Variants in TG observed in about 807,000 individuals in gnomAD.
The protein encoded by TG is thyroid hormones.
A neutral mutation model predicts 324.7 loss-of-function variants in TG; 270 were observed. The observed-to-expected ratio is 0.83, with a 90% CI of 0.75 to 0.92. The LOEUF is 0.92. Ranked by LOEUF, TG falls within the 40% of genes least tolerant of loss-of-function variation. The pLI is 0.00. For synonymous variants in TG, 1,401 were observed against 1,327.0 expected (o/e 1.06, Z -1.21); for missense variants, 3,591 against 3,456.4 (o/e 1.04, Z -0.98).
chr8:132,897,574 AC>A lies in TG; in HGVS notation c.3002-74del. 3 of 1,589,770 alleles carry A rather than the reference AC, an allele frequency of 1.9e-6. No individual in the cohort carries two copies. The Admixed American group carries it at 5.0e-5, about 27-fold the overall frequency. ...CCTCCTTATGTTGGAACCAGGACAT[AC>A]GTGGTTGTTCTCAGCTACAGAGCCC... is the stretch of plus-strand genomic sequence containing the variant. On this transcript the variant is annotated intron_variant, in intron 11 of 47. Transcript: ENST00000220616.
At chr8:132,908,152 A>G (rs2132344879) in intron 17 of TG, 34 bp from the exon 18 acceptor site, 1 of 1,612,686 alleles carries the variant, frequency 6.2e-7, no homozygotes, top group Non-Finnish European at 8.5e-7. Flanking sequence ...CTACAGGCCC[A>G]TTGCCTCTGC....
At chr8:132,935,303 A>G (rs1357498807) in intron 24 of TG, among the ~76,000 whole-genome samples, 7 of 151,518 alleles carry the variant, frequency 4.6e-5, no homozygotes, top group African/African-American at 1.7e-4. Flanking sequence ...ACCACACCCG[A>G]TTAATTTTTT....
intron 26 of TG, among the ~76,000 whole-genome samples, chr8:132,946,041 CACACACACACA>C (rs949428032): frequency 2.0e-4 from 1 of 5,096 alleles, no homozygotes; most frequent in African/African-American, 1.4e-3. Context: ...ATATGTTACA[CACACACACACA>C]CACACACACA....
rs150797776 is a variant in TG, at chr8:132,934,565, T to C, written c.4932+889T>C. 4.8e-4 allele frequency among the ~76,000 whole-genome samples: 73 copies of C among 152,276 alleles called. No individual in the cohort carries two copies. In the East Asian group the frequency reaches 8.9e-3, roughly 19 times the overall value. On this transcript the variant is annotated intron_variant, in intron 24 of 47. Coordinates refer to ENST00000220616, the MANE Select transcript of TG (RefSeq NM_003235.5). ...CACGTGCTCGTGCATAAACACGAGC[T>C]CTTCTCAGGTCTGCGGGAATGTCTT...
At chr8:133,129,672 T>G (rs887650921) in intron 45 of TG, among the ~76,000 whole-genome samples, 3 of 152,094 alleles carry the variant, frequency 2.0e-5, no homozygotes, top group Non-Finnish European at 2.9e-5. Flanking sequence ...AATTTTTGTA[T>G]TTTTTGTAGA....
intron 21 of TG, among the ~76,000 whole-genome samples, 172 bp downstream of exon 21, chr8:132,919,697 G>A (rs1563956003): frequency 6.6e-6 from 1 of 152,176 alleles, no homozygotes; most frequent in Non-Finnish European, 1.5e-5. Flanking sequence ...GATGCCAGTA[G>A]CACTCCTCCC....
intron 40 of TG, among the ~76,000 whole-genome samples, chr8:133,028,650 A>G (rs59502802): frequency 0.28 from 42,507 of 152,038 alleles, 6,189 homozygotes; most frequent in Non-Finnish European, 0.31. Flanking sequence ...CAGATGGGGA[A>G]AATCAAAGCA....
Position 132,887,522 on chromosome 8 carries a change from G to A in TG, c.2150G>A (p.Arg717Gln), listed in dbSNP as rs200611812. Reference protein sequence around the residue: ...DAEGQAIPGTRSAIGKPKKCP... With the variant: ...DAEGQAIPGTQSAIGKPKKCP... ...GAGGGTCAGGCCATTCCTGGAACTC[G>A]AAGTGCAATAGGGAAGCCCAAGAAA... Residue 717 changes from arginine to glutamine, a missense_variant, in exon 9 of 48, where the codon CGA becomes CAA. By Grantham distance (43) the Arg-to-Gln change is conservative. Coordinates refer to ENST00000220616, the MANE Select transcript of TG (RefSeq NM_003235.5). 1,000 of 1,614,148 alleles carry A rather than the reference G, an allele frequency of 6.2e-4. 1 individual carries two copies. Among genetic ancestry groups the A allele is most frequent in the Non-Finnish European group, 6.7e-4 (788 of 1,180,020 alleles).
intron 43 of TG, among the ~76,000 whole-genome samples, chr8:133,109,864 G>A (rs1259509159): frequency 6.6e-6 from 1 of 152,180 alleles, no homozygotes; most frequent in Non-Finnish European, 1.5e-5. Flanking sequence ...ACAGGGAGGA[G>A]ACAGTTTATG....
chr8:133,078,714 C>T (rs1002353642), intron 41 of TG, among the ~76,000 whole-genome samples: 1 of 152,192 alleles, frequency 6.6e-6, no homozygotes, highest in African/African-American at 2.4e-5. Flanking sequence ...TCTCTGTTTT[C>T]CAGGCCCAGA....
At chr8:132,891,026 G>A (rs1816160118) in intron 10 of TG, among the ~76,000 whole-genome samples, 1 of 152,224 alleles carries the variant, frequency 6.6e-6, no homozygotes, top group East Asian at 1.9e-4. Context: ...AACCAAGGAT[G>A]TTATCAGGAA....
chr8:132,908,873 G>C (rs1819088248), intron 18 of TG, among the ~76,000 whole-genome samples: 1 of 152,176 alleles, frequency 6.6e-6, no homozygotes, highest in South Asian at 2.1e-4. Context: ...CGGGAGTGAG[G>C]TAAGGCTGAG....
rs2228590 is a variant in TG at position 132,887,262 on chromosome 8, A to G, written c.1890A>G (p.Gln630=). The G allele has an allele frequency of 1.7e-3, 2,783 of 1,602,684 alleles. 45 individuals are homozygous for G. The African/African-American group carries it at 0.03, about 17-fold the overall frequency. ...CTTEGSYEDV[Q]CFSGECWCVN... ...CAGAAGGAAGCTATGAGGATGTCCA[A>G]TGCTTTTCCGGAGAGTGCTGGTGTG... Residue 630 remains glutamine, a synonymous_variant, in exon 9 of 48, where the codon CAA becomes CAG. Coordinates refer to ENST00000220616, the MANE Select transcript of TG (RefSeq NM_003235.5).
chr8:132,887,896 G>A, intron 9 of TG, 88 bp from the exon 10 acceptor site: 1 of 1,239,380 alleles, frequency 8.1e-7, no homozygotes, highest in Non-Finnish European at 1.2e-6. Flanking sequence ...GTTTTAGACG[G>A]AGTTTGGACA....
At chr8:132,985,240 G>A (rs1303370135) in intron 35 of TG, among the ~76,000 whole-genome samples, 3 of 152,202 alleles carry the variant, frequency 2.0e-5, no homozygotes, top group Non-Finnish European at 4.4e-5. Flanking sequence ...CTGTGTGTAG[G>A]CATTGTATTA....
chr8:132,895,383 G>T (rs1328982512), intron 11 of TG, among the ~76,000 whole-genome samples: 3 of 152,250 alleles, frequency 2.0e-5, no homozygotes, highest in Non-Finnish European at 4.4e-5. Context: ...TGGCCAGCGT[G>T]GGATTGGGTC....
intron 4 of TG, among the ~76,000 whole-genome samples, chr8:132,872,568 C>G (rs1839593791): frequency 6.6e-6 from 1 of 151,820 alleles, no homozygotes. Flanking sequence ...TTAGTGTAGC[C>G]TCAGTGCATA....
At chr8:133,118,735 G>C (rs912949203) in intron 45 of TG, among the ~76,000 whole-genome samples, 3 of 152,036 alleles carry the variant, frequency 2.0e-5, no homozygotes, top group African/African-American at 7.3e-5. Context: ...CAGTCTATTC[G>C]AGCTGCCGTA....
chr8:133,002,872 T>G (rs1336413314), intron 35 of TG: 22 of 312,464 alleles, frequency 7.0e-5, no homozygotes, highest in Non-Finnish European at 1.0e-4. Flanking sequence ...AGCAGTACAC[T>G]GGGGAACATT....
Sources: allele counts gnomAD v4.1 joint callset (sites outside exome capture counted in the v4.1 genomes callset), GRCh38; gene constraint gnomAD v4.1.1; transcripts MANE v1.5; gene names NCBI Gene and HGNC (gene_info 2026-07-23, HGNC 2026-07-21).